Variants in CCDC57 observed in about 807,000 individuals in gnomAD.
The protein encoded by CCDC57 is coiled-coil domain containing 57.
CCDC57 carries 118 observed loss-of-function variants against 118.9 expected under a neutral mutation model. That is an observed-to-expected ratio of 0.99 (90% confidence interval 0.86 to 1.16). The LOEUF is 1.16. Among genes scored for constraint, CCDC57 ranks in the 50% most tolerant of loss-of-function variants. The pLI, the probability that CCDC57 is intolerant of heterozygous loss-of-function variation, is 0.00. For missense variants in CCDC57, 1,300 were observed against 1,320.7 expected (o/e 0.98, Z 0.24); for synonymous variants, 527 against 532.9 (o/e 0.99, Z 0.15).
chr17:82,172,403 C>G lies in CCDC57; in HGVS notation c.1729+235G>C, dbSNP rs2044861811. Among the ~76,000 whole-genome samples the G allele has an allele frequency of 6.6e-6, 1 of 152,172 alleles. No homozygotes were observed. Among genetic ancestry groups the G allele is most frequent in the African/African-American group, 2.4e-5 (1 of 41,450 alleles). On this transcript the variant is annotated intron_variant, in intron 12 of 19. Coordinates refer to ENST00000665763, the Ensembl canonical transcript of CCDC57. The surrounding 1 kb of genome is among the most constrained non-coding windows in gnomAD (Gnocchi z 5.2). ...GTTTTTAAGTGTGTCAAGCAGGTAC[C>G]CTCATTTTTTCCTTCCACTTTACAA...
At chr17:82,173,880 CCTT>C (rs2045108610) in intron 11 of CCDC57, among the ~76,000 whole-genome samples, 1 of 152,148 alleles carries the variant, frequency 6.6e-6, no homozygotes, top group Non-Finnish European at 1.5e-5. Context: ...GAGGGAGTGT[CCTT>C]CTCTAACCAA....
chr17:82,107,504 C>G (rs1428693225), intron 19 of CCDC57: 3 of 470,688 alleles, frequency 6.4e-6, no homozygotes, highest in African/African-American at 6.0e-5. Context: ...CAAAGCGGAC[C>G]CCCGCCAGAA....
intron 17 of CCDC57, among the ~76,000 whole-genome samples, chr17:82,128,939 G>C (rs749471485): frequency 4.8e-4 from 73 of 151,054 alleles, no homozygotes; most frequent in Non-Finnish European, 9.7e-4. Context: ...TTTTTTTTGA[G>C]ACGGAGTCTT....
chr17:82,115,328 C>A (rs1859512868), intron 19 of CCDC57, among the ~76,000 whole-genome samples: 1 of 150,088 alleles, frequency 6.7e-6, no homozygotes, highest in South Asian at 2.1e-4. Flanking sequence ...GGCTTTTGTC[C>A]TTCTTTCCCT....
At position 82,127,337 on chromosome 17, in the gene CCDC57, C is replaced by T. The variant is rs80094716; in HGVS notation, c.2899+355G>A. 2.7e-4 allele frequency: 270 copies of T among 984,906 alleles called. 3 individuals are homozygous for T. In the East Asian group the frequency reaches 0.025, roughly 92 times the overall value. 61.0% of individuals were successfully genotyped at this position (984,906 alleles called of 1,614,324 possible). ...CGTCTAAAGTGCACCAATGCCCACG[C>T]GTCTCACCTGGGCTCCATTCTAAGT... is the stretch of plus-strand genomic sequence containing the variant. On this transcript the variant is annotated intron_variant, in intron 19 of 19. Coordinates refer to ENST00000665763, the Ensembl canonical transcript of CCDC57.
At chr17:82,174,443 A>G (rs2045204679) in intron 11 of CCDC57, among the ~76,000 whole-genome samples, 1 of 152,220 alleles carries the variant, frequency 6.6e-6, no homozygotes, top group African/African-American at 2.4e-5. Context: ...TTTCTCATGT[A>G]AATAAGACTC....
intron 19 of CCDC57, among the ~76,000 whole-genome samples, chr17:82,103,645 G>A (rs941781955): frequency 1.3e-5 from 2 of 152,258 alleles, no homozygotes; most frequent in Non-Finnish European, 2.9e-5. Flanking sequence ...GGATTCTGGG[G>A]GCTTTGCCCG....
In CCDC57 at chr17:82,118,036, C is replaced by T. The variant is rs1301446789; in HGVS notation, c.2899+9656G>A. ...GACACCAAAACAAAGGGAGGTGAGC[C>T]GATGCGGCGGCTCACAAAACTACCA... is the stretch of plus-strand genomic sequence containing the variant. On this transcript the variant is annotated intron_variant, in intron 19 of 19. Transcript: ENST00000665763. This position sits in a 1 kb window ranked among gnomAD's most constrained non-coding sequence, Gnocchi z 4.7. Among the ~76,000 whole-genome samples, 7 of 152,142 alleles carry T rather than the reference C, an allele frequency of 4.6e-5. No homozygotes were observed. The highest frequency in any genetic ancestry group is 2.6e-4 in the Admixed American group (4 of 15,266).
intron 5 of CCDC57, among the ~76,000 whole-genome samples, chr17:82,194,645 A>C (rs969085645): frequency 6.6e-6 from 1 of 152,118 alleles, no homozygotes; most frequent in African/African-American, 2.4e-5. Context: ...GTACCCCACC[A>C]AAATCAGTCT....
intron 19 of CCDC57, among the ~76,000 whole-genome samples, chr17:82,116,450 G>A (rs746042267): frequency 2.0e-5 from 3 of 152,198 alleles, no homozygotes; most frequent in African/African-American, 4.8e-5. Flanking sequence ...TCTACATGGC[G>A]GCCCTACCCA....
chr17:82,200,342 C>T (rs148498892), intron 3 of CCDC57, among the ~76,000 whole-genome samples: 3 of 152,158 alleles, frequency 2.0e-5, no homozygotes, highest in Non-Finnish European at 4.4e-5. Flanking sequence ...GAGCAGTGTG[C>T]GCAGGTGGCT....
In CCDC57 at chr17:82,132,632, C is replaced by T. The variant is rs540859262; in HGVS notation, c.2577+1441G>A. 7.7e-4 allele frequency among the ~76,000 whole-genome samples: 117 copies of T among 152,068 alleles called. 1 individual carries two copies. The highest frequency in any genetic ancestry group is 1.3e-3 in the Admixed American group (20 of 15,248). Reference sequence around the variant, plus strand: ...ACGGGGTCTCGCTGTGTTGCTCTGGCGGGTCTTGAACTCCTGGGCTCAAGC... The same window carrying T: ...ACGGGGTCTCGCTGTGTTGCTCTGGTGGGTCTTGAACTCCTGGGCTCAAGC... On this transcript the variant is annotated intron_variant, in intron 17 of 19. Coordinates refer to ENST00000665763, the Ensembl canonical transcript of CCDC57.
chr17:82,126,462 C>A, intron 19 of CCDC57: 1 of 975,880 alleles, frequency 1.0e-6, no homozygotes, highest in Non-Finnish European at 1.2e-6. Flanking sequence ...TGAGCTGCTA[C>A]AAATCAATAA....
chr17:82,132,586 C>T (rs1201228966), intron 17 of CCDC57, among the ~76,000 whole-genome samples: 5 of 151,934 alleles, frequency 3.3e-5, no homozygotes, highest in Non-Finnish European at 5.9e-5. Context: ...AATTTCCTTC[C>T]TTCTTTGTTT....
chr17:82,168,961 A>G (rs2044332826), intron 13 of CCDC57, among the ~76,000 whole-genome samples: 1 of 152,210 alleles, frequency 6.6e-6, no homozygotes, highest in South Asian at 2.1e-4. Context: ...ACCTTCAGCA[A>G]AAACTCAACC....
At chr17:82,190,093 TAGAGTG>T (rs1335528033) in intron 7 of CCDC57, among the ~76,000 whole-genome samples, 2 of 80,956 alleles carry the variant, frequency 2.5e-5, no homozygotes, top group Non-Finnish European at 5.1e-5. Flanking sequence ...TATCCCAGTA[TAGAGTG>T]ACCTCTCAAG....
intron 15 of CCDC57, chr17:82,157,048 C>T (rs1224777601): frequency 6.5e-6 from 1 of 153,052 alleles, no homozygotes; most frequent in Non-Finnish European, 1.5e-5. Context: ...CAGTTACCAA[C>T]AGTCTAGGGT....
At chr17:82,149,741 CCGCACCCAGAACCAGGCG>C (rs2041592839) in intron 16 of CCDC57, among the ~76,000 whole-genome samples, 1 of 150,908 alleles carries the variant, frequency 6.6e-6, no homozygotes, top group African/African-American at 2.4e-5. Flanking sequence ...AGAACCTGAC[CCGCACCCAGAACCAGGCG>C]CACACCCAGA....
chr17:82,186,489 G>A (rs1265866508), intron 8 of CCDC57, among the ~76,000 whole-genome samples: 1 of 152,126 alleles, frequency 6.6e-6, no homozygotes, highest in Non-Finnish European at 1.5e-5. Context: ...GGCTTTAGGT[G>A]CCTCCCATGC....
Sources: allele counts gnomAD v4.1 joint callset (sites outside exome capture counted in the v4.1 genomes callset), GRCh38; gene constraint gnomAD v4.1.1; non-coding constraint Gnocchi (gnomAD v3.1); transcripts MANE v1.5; gene names NCBI Gene and HGNC (gene_info 2026-07-23, HGNC 2026-07-21).